The following RGS22 variants were observed in gnomAD, a reference collection of about 807,000 sequenced individuals.
The protein encoded by RGS22 is regulator of G protein signaling 22.
A neutral mutation model predicts 172.9 loss-of-function variants in RGS22; 148 were observed. That is an observed-to-expected ratio of 0.86 (90% CI 0.75 to 0.98). RGS22 has a LOEUF of 0.98. RGS22 is among the 50% of genes least tolerant of loss of function. The probability of loss-of-function intolerance (pLI) is 0.00; values close to 1 mark genes in which losing one functional copy is unlikely to be tolerated. For missense variants in RGS22, 1,347 were observed against 1,440.8 expected (o/e 0.93, Z 1.05); for synonymous variants, 458 against 480.2 (o/e 0.95, Z 0.60).
At chr8:100,048,729 A>C (rs926440496) in intron 10 of RGS22, among the ~76,000 whole-genome samples, 1 of 152,166 alleles carries the variant, frequency 6.6e-6, no homozygotes, top group Non-Finnish European at 1.5e-5. Flanking sequence ...TCTATAAATG[A>C]GAGTTACCAC....
chr8:100,066,166 C>T lies in RGS22; in HGVS notation c.724+1G>A. ...AGTCATTCTTGTCCTTTTCTGCTTA[C>T]CAGAAACAGATGAAATAGCTGGTGA... is the stretch of plus-strand genomic sequence containing the variant. On this transcript the variant is annotated splice_donor_variant, in intron 7 of 27. Coordinates refer to ENST00000360863, the MANE Select transcript of RGS22 (RefSeq NM_015668.5). LOFTEE classifies it high-confidence loss of function. 6.2e-7 allele frequency: 1 copy of T among 1,611,184 alleles called. No homozygotes were observed.
intron 2 of RGS22, among the ~76,000 whole-genome samples, chr8:100,102,847 C>G (rs947071729): frequency 1.3e-5 from 2 of 152,150 alleles, no homozygotes; most frequent in African/African-American, 4.8e-5. Context: ...TTAAAGAAGG[C>G]TGAAAAGTTA....
At chr8:100,067,728 A>G (rs562388943) in intron 6 of RGS22, among the ~76,000 whole-genome samples, 2 of 150,870 alleles carry the variant, frequency 1.3e-5, no homozygotes, top group African/African-American at 4.9e-5. Context: ...GGGTTCAAGC[A>G]ATTCTCCCAC....
chr8:100,063,280 T>C (rs945295076), intron 8 of RGS22, 136 bp downstream of exon 8: 8 of 568,474 alleles, frequency 1.4e-5, no homozygotes, highest in East Asian at 3.0e-5. Context: ...ATAAGTTTTA[T>C]TATCATTCAT....
At chr8:100,039,935 A>G in intron 13 of RGS22, 27 bp downstream of exon 13, 2 of 1,327,350 alleles carry the variant, frequency 1.5e-6, no homozygotes, top group Non-Finnish European at 2.0e-6. Context: ...AAATTATAAA[A>G]TTAAATTTTA....
chr8:100,028,871 T>C lies in RGS22; in HGVS notation c.2166+10060A>G, dbSNP rs1365817738. Among the ~76,000 whole-genome samples, 4 of 152,340 alleles carry C rather than the reference T, an allele frequency of 2.6e-5. No individual in the cohort carries two copies. In the South Asian group the frequency reaches 6.2e-4, roughly 24 times the overall value. On this transcript the variant is annotated intron_variant, in intron 14 of 27. Transcript: ENST00000360863. Reference sequence around the variant, plus strand: ...TCTCCCACCAAGTATGGGCATAACATGTGGCTGCTTCTAATCAAGAGAATA... The same window carrying C: ...TCTCCCACCAAGTATGGGCATAACACGTGGCTGCTTCTAATCAAGAGAATA...
At chr8:100,001,222 A>ATATATATATATATATATACG (rs1815045068) in intron 18 of RGS22, among the ~76,000 whole-genome samples, 1 of 135,820 alleles carries the variant, frequency 7.4e-6, no homozygotes, top group East Asian at 2.2e-4. Flanking sequence ...ATATATATAC[A>ATATATATATATATATATACG]TATATATATA....
At chr8:99,987,374 G>T (rs1813207455) in intron 21 of RGS22, 84 bp downstream of exon 21, 1 of 1,025,848 alleles carries the variant, frequency 9.7e-7, no homozygotes, top group Non-Finnish European at 1.4e-6. Context: ...TACAAATCTT[G>T]TGCATAAAGT....
At chr8:100,057,009 A>T (rs1809684148) in intron 9 of RGS22, among the ~76,000 whole-genome samples, 1 of 152,210 alleles carries the variant, frequency 6.6e-6, no homozygotes, top group South Asian at 2.1e-4. Flanking sequence ...GAGGCCATAC[A>T]CTGCAAAGCC....
At chr8:100,010,153 C>T (rs77210013) in intron 14 of RGS22, among the ~76,000 whole-genome samples, 11,080 of 152,036 alleles carry the variant, frequency 0.073, 537 homozygotes, top group South Asian at 0.16. Flanking sequence ...TCTACACTAC[C>T]CCACATACCT....
intron 20 of RGS22, among the ~76,000 whole-genome samples, chr8:99,995,587 CAATT>C (rs1231882278): frequency 6.6e-6 from 1 of 152,072 alleles, no homozygotes; most frequent in Non-Finnish European, 1.5e-5. Flanking sequence ...GCTGGAATGG[CAATT>C]ATTAAAAAGT....
chr8:100,057,828 A>T (rs1266880770), intron 9 of RGS22, among the ~76,000 whole-genome samples: 1 of 152,160 alleles, frequency 6.6e-6, no homozygotes, highest in Non-Finnish European at 1.5e-5. Context: ...CTACTAGCTC[A>T]ACATCATCCA....
In RGS22 at chr8:100,040,097, A is replaced by C. The variant is rs1166920767; in HGVS notation, c.1939-10T>G. The C allele has an allele frequency of 6.2e-7, 1 of 1,604,332 alleles. No individual in the cohort carries two copies. The highest frequency in any genetic ancestry group is 1.3e-5 in the African/African-American group (1 of 74,344). ...CTGACACGGTTTTAACCTAGATAAC[A>C]AAACAGAAGTCTATTATCCACCCAA... On this transcript the variant is annotated splice_polypyrimidine_tract_variant and intron_variant, in intron 12 of 27. Coordinates refer to ENST00000360863, the MANE Select transcript of RGS22 (RefSeq NM_015668.5).
At position 100,080,260 on chromosome 8, in the gene RGS22, A is replaced by G. The variant is rs1811655106; in HGVS notation, c.213T>C (p.Ile71=). The G allele has an allele frequency of 6.2e-7, 1 of 1,613,772 alleles. No individual in the cohort carries two copies. Among genetic ancestry groups the G allele is most frequent in the African/African-American group, 1.3e-5 (1 of 74,916 alleles). The stretch of plus-strand genomic sequence containing the variant: ...GATTTCGAGGTTGCTGGTTTTGTAG[A>G]ATTTTTTTCAGTTGTTTTTCCAGAA... ...PQFLEKQLKK[I]LQNQQPRNPI... is the part of the protein sequence containing the mutation. Residue 71 remains isoleucine (I), a synonymous_variant, in exon 4 of 28, where the codon ATT becomes ATC. Coordinates refer to ENST00000360863, the MANE Select transcript of RGS22 (RefSeq NM_015668.5).
intron 13 of RGS22, 54 bp downstream of exon 13, chr8:100,039,908 C>A: frequency 8.8e-7 from 1 of 1,140,834 alleles, no homozygotes; most frequent in Non-Finnish European, 1.2e-6. Context: ...TTTGATGTCT[C>A]ATTTTTAAAT....
At chr8:100,008,957 T>C (rs1816053465) in intron 14 of RGS22, among the ~76,000 whole-genome samples, 1 of 152,164 alleles carries the variant, frequency 6.6e-6, no homozygotes, top group East Asian at 1.9e-4. Context: ...GTGGCAAGAA[T>C]ACACTAGGAC....
chr8:99,966,887 T>C (rs1810794255), intron 23 of RGS22, among the ~76,000 whole-genome samples: 1 of 152,216 alleles, frequency 6.6e-6, no homozygotes, highest in Admixed American at 6.5e-5. Context: ...GCAACCTCTA[T>C]TCTTTCTGTT....
rs756666569 is a variant in RGS22 at position 100,002,228 on chromosome 8, G to C, written c.2764C>G (p.Pro922Ala). Reference sequence around the variant, plus strand: ...TGGTTCTGCTGATACAGAGAAGCTGGACTGTTGGGTCCAAAGAAATATTTT... The same window carrying C: ...TGGTTCTGCTGATACAGAGAAGCTGCACTGTTGGGTCCAAAGAAATATTTT... ...NKKYFFGPNS[P>A]ASLYQQNQVM... is the part of the protein sequence containing the mutation. Residue 922 changes from proline (P) to alanine (A), a missense_variant, in exon 18 of 28, where the codon CCA becomes GCA. Transcript: ENST00000360863. The C allele has an allele frequency of 5.6e-6, 9 of 1,602,208 alleles. No homozygotes were observed. Among genetic ancestry groups the C allele is most frequent in the Non-Finnish European group, 7.7e-6 (9 of 1,176,064 alleles).
chr8:100,063,688 A>C lies in RGS22; in HGVS notation c.1080T>G (p.Ile360Met), dbSNP rs755990683. The change falls in exon 8 of 28, where the codon ATT becomes ATG. Residue 360 changes from isoleucine (I) to methionine (M), a missense_variant. Physicochemically the swap from Ile to Met is conservative, Grantham distance 10. Coordinates refer to ENST00000360863, the MANE Select transcript of RGS22 (RefSeq NM_015668.5). Reference protein sequence around the residue: ...KVSFDDCFESIHGKNFLSELV... With the variant: ...KVSFDDCFESMHGKNFLSELV... ...ATTCACTTAAAAAATTCTTGCCATG[A>C]ATAGACTCAAAACAATCATCAAATG... 1.9e-5 allele frequency: 31 copies of C among 1,614,048 alleles called. No homozygotes were observed. The highest frequency in any genetic ancestry group is 2.6e-5 in the Non-Finnish European group (31 of 1,179,966).
Sources: gnomAD v4.1 joint callset for allele counts (sites outside exome capture counted in the v4.1 genomes callset) on GRCh38, gnomAD v4.1.1 for gene constraint, MANE v1.5 for transcripts, NCBI Gene and HGNC (gene_info 2026-07-23, HGNC 2026-07-21) for gene names.